Variants in PCDH7 observed in about 807,000 individuals in gnomAD.
PCDH7 encodes the protein protocadherin-7.
A neutral mutation model predicts 58.9 loss-of-function variants in PCDH7; 17 were observed. The observed-to-expected ratio is 0.29, with a 90% CI of 0.20 to 0.43. The LOEUF (loss-of-function observed/expected upper bound fraction) is 0.43, where lower values mean the gene tolerates loss of function less well. Among genes scored for constraint, PCDH7 ranks in the 20% least tolerant of loss-of-function variants. PCDH7 has a pLI of 1.00. For synonymous variants in PCDH7, 664 were observed against 616.4 expected (o/e 1.08, Z -1.14); for missense variants, 1,274 against 1,441.0 (o/e 0.88, Z 1.88).
intron 1 of PCDH7, among the ~76,000 whole-genome samples, chr4:30,878,678 C>T (rs745928870): frequency 7.2e-5 from 11 of 152,090 alleles, no homozygotes; most frequent in African/African-American, 2.2e-4. Context: ...GCAAACCCCC[C>T]GTCTCTACTA....
At chr4:31,076,878 G>A (rs1477604774) in intron 3 of PCDH7, among the ~76,000 whole-genome samples, 3 of 151,998 alleles carry the variant, frequency 2.0e-5, no homozygotes, top group Non-Finnish European at 4.4e-5. Flanking sequence ...TGCACACTTA[G>A]GATAAAAGGG....
intron 3 of PCDH7, among the ~76,000 whole-genome samples, chr4:31,068,358 G>C (rs1457611042): frequency 2.0e-5 from 3 of 151,336 alleles, no homozygotes; most frequent in Non-Finnish European, 4.4e-5. Flanking sequence ...AAAATCCATC[G>C]CATTCAGCTA....
exon 1 of PCDH7, chr4:30,724,123 G>A: frequency 1.9e-6 from 3 of 1,613,964 alleles, no homozygotes; most frequent in Admixed American, 1.7e-5. Flanking sequence ...TGTAGTGATG[G>A]CAAGGTACTG....
intron 3 of PCDH7, among the ~76,000 whole-genome samples, chr4:31,124,705 G>GC (rs1718091049): frequency 6.6e-6 from 1 of 152,170 alleles, no homozygotes; most frequent in Non-Finnish European, 1.5e-5. Context: ...AGTAAGTCAA[G>GC]TTGGTGAAGC....
downstream of PCDH7, among the ~76,000 whole-genome samples, chr4:30,734,993 C>T (rs1716045870): frequency 1.3e-5 from 2 of 152,006 alleles, no homozygotes; most frequent in African/African-American, 4.8e-5. Flanking sequence ...AGCACATGGG[C>T]AATTCTCTGA....
chr4:30,808,039 T>C (rs1430697396), intron 1 of PCDH7, among the ~76,000 whole-genome samples: 1 of 152,166 alleles, frequency 6.6e-6, no homozygotes, highest in African/African-American at 2.4e-5. Context: ...GGGGAGGGCT[T>C]GTAGGCACAT....
chr4:31,112,380 T>G (rs1371178660), intron 3 of PCDH7, among the ~76,000 whole-genome samples: 1 of 152,224 alleles, frequency 6.6e-6, no homozygotes, highest in African/African-American at 2.4e-5. Context: ...AGGACTGGCA[T>G]ATTTAATTTA....
intron 3 of PCDH7, among the ~76,000 whole-genome samples, chr4:31,136,385 A>G (rs1247064537): frequency 6.6e-6 from 1 of 152,176 alleles, no homozygotes; most frequent in Non-Finnish European, 1.5e-5. Flanking sequence ...TACGTGGTTG[A>G]GCCTGGAATC....
chr4:31,138,697 G>A (rs1003217340), intron 3 of PCDH7, among the ~76,000 whole-genome samples: 2 of 152,040 alleles, frequency 1.3e-5, no homozygotes, highest in African/African-American at 4.8e-5. Context: ...CTAGTTTGAT[G>A]GCTTAAAAAC....
At position 30,743,501 on chromosome 4, in the gene PCDH7, G is replaced by T. The variant is rs370556980; in HGVS notation, c.70+18905G>T. 2.4e-4 allele frequency among the ~76,000 whole-genome samples: 37 copies of T among 152,082 alleles called. No individual in the cohort carries two copies. The East Asian group carries it at 7.1e-3, about 29-fold the overall frequency. On this transcript the variant is annotated intron_variant, in intron 1 of 3. Transcript: ENST00000509759. ...TGAATAATTGAAAAAAAAACTGGGT[G>T]GGGGAGGGACTTTTTCATCAAAGGA...
chr4:30,932,025 A>C (rs1744666457), intron 2 of PCDH7, among the ~76,000 whole-genome samples: 1 of 152,120 alleles, frequency 6.6e-6, no homozygotes, highest in Non-Finnish European at 1.5e-5. Flanking sequence ...AGAATATGTG[A>C]CTAACTACAT....
chr4:31,067,438 C>A (rs6850016), intron 3 of PCDH7, among the ~76,000 whole-genome samples: 3,899 of 149,616 alleles, frequency 0.026, 176 homozygotes, highest in African/African-American at 0.09. Context: ...CTGGGATCTG[C>A]AAGACTTTAC....
At chr4:31,062,673 A>C (rs150569711) in intron 3 of PCDH7, among the ~76,000 whole-genome samples, 2,813 of 150,954 alleles carry the variant, frequency 0.019, 81 homozygotes, top group African/African-American at 0.065. Context: ...CTCTCCTCAC[A>C]CTCTTTCTTC....
At chr4:30,939,142 C>A (rs562928449) in intron 2 of PCDH7, among the ~76,000 whole-genome samples, 3 of 152,234 alleles carry the variant, frequency 2.0e-5, no homozygotes, top group South Asian at 4.1e-4. Flanking sequence ...CCTGCCACTG[C>A]CAATGCACAA....
At chr4:31,076,221 C>T (rs1053000364) in intron 3 of PCDH7, among the ~76,000 whole-genome samples, 1 of 152,136 alleles carries the variant, frequency 6.6e-6, no homozygotes, top group Admixed American at 6.6e-5. Flanking sequence ...GCGTACTCAT[C>T]AAGTTTATGT....
intron 1 of PCDH7, chr4:30,884,468 G>T (rs1336886428): frequency 2.0e-5 from 3 of 152,102 alleles, no homozygotes; most frequent in African/African-American, 4.8e-5. Flanking sequence ...TTCAATTAGG[G>T]TAGTGCATAG....
At chr4:30,731,087 T>TA (rs1413103104) in exon 2 of PCDH7, 1 of 1,100,508 alleles carries the variant, frequency 9.1e-7, no homozygotes, top group African/African-American at 1.6e-5. Context: ...TGATGTCTTT[T>TA]AAAAAATCCA....
chr4:30,995,536 C>G (rs1224795907), intron 3 of PCDH7, among the ~76,000 whole-genome samples: 1 of 151,368 alleles, frequency 6.6e-6, no homozygotes, highest in African/African-American at 2.4e-5. Flanking sequence ...AAAAGATGAA[C>G]GAGGAAGGGT....
chr4:30,896,777 A>G (rs1395461769), intron 1 of PCDH7, among the ~76,000 whole-genome samples: 2 of 151,756 alleles, frequency 1.3e-5, no homozygotes, highest in Non-Finnish European at 2.9e-5. Context: ...AAGAAAAAAC[A>G]CACAAATTAT....
Sources: allele counts gnomAD v4.1 joint callset (sites outside exome capture counted in the v4.1 genomes callset), GRCh38; gene constraint gnomAD v4.1.1; transcripts MANE v1.5; gene names NCBI Gene and HGNC (gene_info 2026-07-23, HGNC 2026-07-21).